HERC3: variants seen among roughly 807,000 people sequenced by gnomAD.
The protein encoded by HERC3 is probable E3 ubiquitin-protein ligase HERC3.
In HERC3, 58 loss-of-function variants were observed where a neutral mutation model predicts 129.9. The observed-to-expected ratio is 0.45, with a 90% confidence interval of 0.36 to 0.56. The LOEUF (loss-of-function observed/expected upper bound fraction) is 0.56. HERC3 is among the 20% of genes least tolerant of loss of function. The pLI, the probability that HERC3 is intolerant of heterozygous loss-of-function variation, is 0.00. For synonymous variants in HERC3, 430 were observed against 451.0 expected (o/e 0.95, Z 0.59); for missense variants, 835 against 1,244.2 (o/e 0.67, Z 4.95).
the HERC3 span, among the ~76,000 whole-genome samples, chr4:88,551,904 A>T: frequency 6.6e-6 from 1 of 152,198 alleles, no homozygotes; most frequent in African/African-American, 2.4e-5. Context: ...ACAATGATAG[A>T]TTGGACTTAG....
chr4:88,524,279 A>G, the HERC3 span, among the ~76,000 whole-genome samples: 1 of 152,222 alleles, frequency 6.6e-6, no homozygotes, highest in African/African-American at 2.4e-5. Context: ...CCTCCAAAAT[A>G]TATAAATTCT....
chr4:88,570,159 C>G, the HERC3 span, among the ~76,000 whole-genome samples: 2 of 152,274 alleles, frequency 1.3e-5, no homozygotes, highest in South Asian at 4.1e-4. Context: ...CTAAAAATTC[C>G]TTCAAGTCAT....
chr4:88,671,566 C>G (rs941326638), intron 16 of HERC3, among the ~76,000 whole-genome samples: 1 of 152,134 alleles, frequency 6.6e-6, no homozygotes, highest in African/African-American at 2.4e-5. Context: ...CTCTATCACC[C>G]AGGCTGGAGT....
chr4:88,697,654 C>G (rs376576360), intron 23 of HERC3: 15 of 1,613,296 alleles, frequency 9.3e-6, no homozygotes, highest in African/African-American at 5.3e-5. Context: ...ACAGTCTCCA[C>G]CCTGCGCACC....
intron 3 of HERC3, among the ~76,000 whole-genome samples, chr4:88,615,681 T>G (rs75049279): frequency 0.16 from 24,356 of 152,148 alleles, 1,996 homozygotes; most frequent in East Asian, 0.2. Context: ...AATGTCTACT[T>G]ATTAGGGTTG....
intron 23 of HERC3, among the ~76,000 whole-genome samples, chr4:88,701,890 C>G (rs566076972): frequency 1.3e-4 from 20 of 151,118 alleles, no homozygotes; most frequent in African/African-American, 4.9e-4. Flanking sequence ...GCAGCCTTGA[C>G]CTCCTGGGCT....
At position 88,681,328 on chromosome 4, in the gene HERC3, A is replaced by G; in HGVS notation, c.2507+3A>G. 6.2e-7 allele frequency: 1 copy of G among 1,608,894 alleles called. No individual in the cohort carries two copies. Among genetic ancestry groups the G allele is most frequent in the Non-Finnish European group, 8.5e-7 (1 of 1,178,158 alleles). ...GAGTTGTCACCCACTGAAGGAAGGT[A>G]CAAAGCTAAAAGGCGATTGGTATCT... On this transcript the variant is annotated splice_donor_region_variant and intron_variant, in intron 21 of 25. Coordinates refer to ENST00000402738, the MANE Select transcript of HERC3 (RefSeq NM_014606.3).
At chr4:88,624,874 T>C (rs2930809) in intron 3 of HERC3, among the ~76,000 whole-genome samples, 7,944 of 152,228 alleles carry the variant, frequency 0.052, 555 homozygotes, top group East Asian at 0.27. Context: ...AATTAAAATT[T>C]TATATGTAGG....
chr4:88,607,863 T>C (rs1376369137), intron 3 of HERC3, among the ~76,000 whole-genome samples: 1 of 152,222 alleles, frequency 6.6e-6, no homozygotes, highest in Non-Finnish European at 1.5e-5. Context: ...TGTAAATGAA[T>C]CTTCTTTTGG....
chr4:88,534,118 G>T, the HERC3 span, among the ~76,000 whole-genome samples: 1 of 152,204 alleles, frequency 6.6e-6, no homozygotes, highest in African/African-American at 2.4e-5. Flanking sequence ...GACTCATTAT[G>T]ACTAGGATCA....
chr4:88,654,177 G>A (rs1481163893), intron 7 of HERC3, 44 bp downstream of exon 7: 1 of 1,324,038 alleles, frequency 7.6e-7, no homozygotes. Context: ...GGGATATGAT[G>A]GGTGATTAGA....
At chr4:88,542,314 C>T in the HERC3 span, among the ~76,000 whole-genome samples, 9 of 152,150 alleles carry the variant, frequency 5.9e-5, no homozygotes, top group Non-Finnish European at 1.3e-4. Flanking sequence ...CTATAAACAC[C>T]TCTACACAAA....
the HERC3 span, among the ~76,000 whole-genome samples, chr4:88,524,131 T>C: frequency 8.7e-3 from 1,318 of 152,340 alleles, 7 homozygotes; most frequent in Non-Finnish European, 0.011. Context: ...ACCGAATGTA[T>C]TGTCATGGAT....
At chr4:88,603,038 G>C (rs1369319787) in intron 2 of HERC3, among the ~76,000 whole-genome samples, 1 of 152,012 alleles carries the variant, frequency 6.6e-6, no homozygotes, top group Non-Finnish European at 1.5e-5. Context: ...TTTGATAGAA[G>C]GTTTGGGATT....
chr4:88,676,554 A>T, intron 18 of HERC3, 131 bp downstream of exon 18: 1 of 672,424 alleles, frequency 1.5e-6, no homozygotes, highest in Non-Finnish European at 2.5e-6. Flanking sequence ...AACTGTTTGA[A>T]ACTTTTCAGT....
intron 20 of HERC3, among the ~76,000 whole-genome samples, chr4:88,680,658 A>T (rs1407187267): frequency 6.6e-6 from 1 of 152,230 alleles, no homozygotes; most frequent in Non-Finnish European, 1.5e-5. Flanking sequence ...TCTAATTTCA[A>T]TCAGACTGTC....
At chr4:88,596,453 C>G (rs767147464) in intron 2 of HERC3, among the ~76,000 whole-genome samples, 3 of 152,094 alleles carry the variant, frequency 2.0e-5, no homozygotes, top group Non-Finnish European at 2.9e-5. Flanking sequence ...GGTGGAAATT[C>G]AGGTTTTCTA....
chr4:88,565,042 T>C, the HERC3 span, among the ~76,000 whole-genome samples: 8 of 152,130 alleles, frequency 5.3e-5, no homozygotes, highest in Non-Finnish European at 1.0e-4. Context: ...TAGTTTCCAA[T>C]GTTCCTCTTG....
At chr4:88,544,434 G>T in the HERC3 span, among the ~76,000 whole-genome samples, 5 of 152,228 alleles carry the variant, frequency 3.3e-5, no homozygotes, top group African/African-American at 1.2e-4. Context: ...TGCTGGAGAG[G>T]ATGTGGAGAA....
Sources: allele counts gnomAD v4.1 joint callset (sites outside exome capture counted in the v4.1 genomes callset), GRCh38; gene constraint gnomAD v4.1.1; transcripts MANE v1.5; gene names NCBI Gene and HGNC (gene_info 2026-07-23, HGNC 2026-07-21).